XKR4: variants seen among roughly 807,000 people sequenced by gnomAD.
XKR4 encodes XK-related protein 4.
XKR4 carries 12 observed loss-of-function variants against 53.9 expected under a neutral mutation model. The observed-to-expected ratio is 0.22, with a 90% CI of 0.14 to 0.36. XKR4 has a LOEUF of 0.36. Among genes scored for constraint, XKR4 ranks in the 10% least tolerant of loss-of-function variants. XKR4 has a pLI of 1.00. For missense variants in XKR4, 799 were observed against 859.5 expected (o/e 0.93, Z 0.88); for synonymous variants, 354 against 362.4 (o/e 0.98, Z 0.26).
intron 1 of XKR4, among the ~76,000 whole-genome samples, chr8:55,342,337 T>C (rs1200383854): frequency 2.0e-5 from 3 of 152,124 alleles, no homozygotes; most frequent in Non-Finnish European, 4.4e-5. Context: ...CCATCATCAC[T>C]TGCCAGGTTA....
intron 1 of XKR4, among the ~76,000 whole-genome samples, chr8:55,335,437 GA>G (rs1372851886): frequency 2.6e-5 from 4 of 151,872 alleles, no homozygotes; most frequent in Middle Eastern, 3.2e-3. Context: ...AAAAATAAAG[GA>G]AAATATTTTT....
chr8:55,369,765 G>A (rs1330616238), intron 2 of XKR4, among the ~76,000 whole-genome samples: 1 of 151,624 alleles, frequency 6.6e-6, no homozygotes. Context: ...AATATATATA[G>A]TTCTTCATTT....
In XKR4 at chr8:55,135,902, TTTG is replaced by T. The variant is rs899389358; in HGVS notation, c.806+32611_806+32613del. Among the ~76,000 whole-genome samples the T allele has an allele frequency of 1.4e-4, 21 of 146,456 alleles. No homozygotes were observed. In the South Asian group the frequency reaches 3.3e-3, roughly 23 times the overall value. On this transcript the variant is annotated intron_variant, in intron 1 of 2. Coordinates refer to ENST00000327381, the MANE Select transcript of XKR4 (RefSeq NM_052898.2). ...TCAACATGCTCACTTTTTTTTTTTTTTTGTTTTTTTGAGACAGAGTCTCGCTCT... is the reference window on the plus strand; with the variant it reads ...TCAACATGCTCACTTTTTTTTTTTTTTTTTTTTGAGACAGAGTCTCGCTCT...
At chr8:55,452,529 A>G in intron 2 of XKR4, 2 of 667,520 alleles carry the variant, frequency 3.0e-6, no homozygotes, top group South Asian at 1.7e-5. Context: ...CAGCAGGTGC[A>G]GCCTCAATAG....
chr8:55,185,497 G>A (rs868834332), intron 1 of XKR4, among the ~76,000 whole-genome samples: 2 of 152,158 alleles, frequency 1.3e-5, no homozygotes, highest in Non-Finnish European at 2.9e-5. Context: ...ATAATTGAGA[G>A]ACAATCCAGG....
At position 55,236,987 on chromosome 8, in the gene XKR4, G is replaced by A. The variant is rs76484828; in HGVS notation, c.807-120691G>A. Among the ~76,000 whole-genome samples the A allele has an allele frequency of 4.6e-3, 705 of 152,238 alleles. 6 individuals carry two copies. The highest frequency in any genetic ancestry group is 0.016 in the African/African-American group (655 of 41,532). The stretch of plus-strand genomic sequence containing the variant: ...TATCATCTATTTATTGTTGAAAAGC[G>A]GGAAATGAATTTCTCCCATGTCCCC... On this transcript the variant is annotated intron_variant, in intron 1 of 2. Transcript: ENST00000327381.
intron 1 of XKR4, among the ~76,000 whole-genome samples, chr8:55,203,755 T>C (rs1433642044): frequency 1.3e-5 from 2 of 152,132 alleles, no homozygotes; most frequent in Non-Finnish European, 2.9e-5. Flanking sequence ...TGGAGGAATG[T>C]GTAGCCAACA....
chr8:55,175,055 G>A (rs1440988268), intron 1 of XKR4, among the ~76,000 whole-genome samples: 1 of 152,182 alleles, frequency 6.6e-6, no homozygotes, highest in Non-Finnish European at 1.5e-5. Flanking sequence ...ACACTATAAT[G>A]TTAAATGGTA....
At chr8:55,421,142 T>C (rs1295634365) in intron 2 of XKR4, among the ~76,000 whole-genome samples, 1 of 152,234 alleles carries the variant, frequency 6.6e-6, no homozygotes, top group Non-Finnish European at 1.5e-5. Context: ...TAATAGTGAT[T>C]CTAAAAACAC....
In XKR4 at chr8:55,357,726, G is replaced by T; in HGVS notation, c.855G>T (p.Glu285Asp). The T allele has an allele frequency of 6.2e-7, 1 of 1,614,202 alleles. No homozygotes were observed. The highest frequency in any genetic ancestry group is 1.3e-5 in the African/African-American group (1 of 75,052). The change falls in exon 2 of 3, where the codon GAG (glutamate) becomes GAT (aspartate). Residue 285 changes from glutamate (E) to aspartate (D), a missense_variant. By Grantham distance (45) the Glu-to-Asp change is conservative. Around this residue, in one of 3 missense-constraint regions of XKR4, gnomAD observed 476 missense variants for 505.4 expected, o/e 0.94. Coordinates refer to ENST00000327381, the MANE Select transcript of XKR4 (RefSeq NM_052898.2). ...GTATTCGAAGCCGACAGAGTGGGGA[G>T]AATGACAGATGGAGGTTTTACTGGA... ...YLGIRSRQSG[E>D]NDRWRFYWKM...
chr8:55,408,862 C>T (rs1012906556), intron 2 of XKR4, among the ~76,000 whole-genome samples: 3 of 152,060 alleles, frequency 2.0e-5, no homozygotes, highest in Admixed American at 6.6e-5. Context: ...CAAAAATTAG[C>T]AGGGCATGGT....
intron 2 of XKR4, among the ~76,000 whole-genome samples, chr8:55,403,002 T>C (rs1049871213): frequency 5.3e-5 from 8 of 152,278 alleles, no homozygotes; most frequent in African/African-American, 1.9e-4. Context: ...GGCTGGGGTT[T>C]GGTTCCCATC....
chr8:55,169,760 G>A (rs1473632110), intron 1 of XKR4, among the ~76,000 whole-genome samples: 1 of 152,222 alleles, frequency 6.6e-6, no homozygotes, highest in Non-Finnish European at 1.5e-5. Flanking sequence ...ATTGAAAGTT[G>A]TAAAGCCACA....
chr8:55,239,657 T>G (rs1818180909), intron 1 of XKR4, among the ~76,000 whole-genome samples: 1 of 152,190 alleles, frequency 6.6e-6, no homozygotes, highest in Admixed American at 6.5e-5. Context: ...TCATGTGAGG[T>G]GTTCCCATTC....
In XKR4 at chr8:55,524,512, G is replaced by GCACCAGA. The variant is rs1806854423; in HGVS notation, c.*285_*286insCACCAGA. On this transcript the variant is annotated 3_prime_UTR_variant, in exon 3 of 3. Transcript: ENST00000327381. ...ACGGTCTTGGGTGCACCCACCAGAG[G>GCACCAGA]GTACTACTATTATGGAAAAATTTTG... 2 of 410,716 alleles carry GCACCAGA rather than the reference G, an allele frequency of 4.9e-6. No individual in the cohort carries two copies. The highest frequency in any genetic ancestry group is 4.0e-5 in the African/African-American group (2 of 50,350). 25.4% of individuals were successfully genotyped at this position (410,716 alleles called of 1,614,324 possible).
rs760867461 is a variant in XKR4 at position 55,247,860 on chromosome 8, T to TTCTTTCTTTCTTTCTTTC, written c.807-109817_807-109816insCTTTCTTTCTTTCTTTCT. Among the ~76,000 whole-genome samples, 355 of 105,340 alleles carry TTCTTTCTTTCTTTCTTTC rather than the reference T, an allele frequency of 3.4e-3. 2 individuals carry two copies. Among genetic ancestry groups the TTCTTTCTTTCTTTCTTTC allele is most frequent in the East Asian group, 0.018 (61 of 3,356 alleles). 69.1% of individuals were successfully genotyped at this position (105,340 alleles called of 152,430 possible). On this transcript the variant is annotated intron_variant, in intron 1 of 2. Transcript: ENST00000327381. The stretch of plus-strand genomic sequence containing the variant: ...TTTTCTTTCTTTCTTTCTTTCTTTT[T>TTCTTTCTTTCTTTCTTTC]TTTTTTTTTTTTTTGAGACAGAGTC...
Position 55,102,149 on chromosome 8 carries a change from TGGC to T in XKR4, c.-327_-325del, listed in dbSNP as rs989670686. ...CGGCGGCCGCTGCTGCTCCTGCTGCTGGCGGCGGCGGCGGCTCGGGCGGCAGCA... is the reference window on the plus strand; with the variant it reads ...CGGCGGCCGCTGCTGCTCCTGCTGCTGGCGGCGGCGGCTCGGGCGGCAGCA... On this transcript the variant is annotated 5_prime_UTR_variant, in exon 1 of 3. Transcript: ENST00000327381. The surrounding 1 kb of genome is among the most constrained non-coding windows in gnomAD (Gnocchi z 5.1). 2.1e-5 allele frequency among the ~76,000 whole-genome samples: 3 copies of T among 145,482 alleles called. No homozygotes were observed. Among genetic ancestry groups the T allele is most frequent in the African/African-American group, 5.0e-5 (2 of 40,040 alleles).
intron 2 of XKR4, among the ~76,000 whole-genome samples, chr8:55,431,190 A>G (rs1046817807): frequency 6.6e-6 from 1 of 152,256 alleles, no homozygotes; most frequent in African/African-American, 2.4e-5. Context: ...ATGTGCTCAC[A>G]TTGAAGTTTA....
intron 1 of XKR4, among the ~76,000 whole-genome samples, chr8:55,163,962 G>A (rs1817025998): frequency 6.6e-6 from 1 of 152,218 alleles, no homozygotes. Flanking sequence ...ACTTAGAAGT[G>A]CTCAGTTCAT....
Sources: gnomAD v4.1 joint callset for allele counts (sites outside exome capture counted in the v4.1 genomes callset) on GRCh38, gnomAD v4.1.1 for gene constraint, gnomAD v4.1.1 regional missense constraint, Gnocchi (gnomAD v3.1) non-coding constraint, MANE v1.5 for transcripts, NCBI Gene and HGNC (gene_info 2026-07-23, HGNC 2026-07-21) for gene names.